Variants in TRAIP observed in about 807,000 individuals in gnomAD.
TRAIP encodes the protein TRAF interacting protein.
Under a neutral mutation model 65.0 loss-of-function variants are expected in TRAIP, and 37 were observed. That is an observed-to-expected ratio of 0.57 (90% CI 0.44 to 0.75). TRAIP has a LOEUF of 0.75. Ranked by LOEUF, TRAIP falls within the 30% of genes least tolerant of loss-of-function variation. The probability of loss-of-function intolerance (pLI) is 0.00; values close to 1 mark genes in which losing one functional copy is unlikely to be tolerated. For missense variants in TRAIP, 481 were observed against 579.4 expected, an observed-to-expected ratio of 0.83 and a Z score of 1.74; for synonymous variants, 187 against 219.1, an observed-to-expected ratio of 0.85 and a Z score of 1.29.
intron 1 of TRAIP, among the ~76,000 whole-genome samples, chr3:49,851,479 C>T (rs912575128): frequency 2.0e-5 from 3 of 152,220 alleles, no homozygotes; most frequent in Admixed American, 6.5e-5. Context: ...GCCTCAACCT[C>T]CCAGGCTCAA....
intron 1 of TRAIP, among the ~76,000 whole-genome samples, chr3:49,851,766 G>A (rs2081933998): frequency 6.6e-6 from 1 of 150,376 alleles, no homozygotes; most frequent in South Asian, 2.1e-4. Flanking sequence ...GTGCAATCTC[G>A]GCTCACTGCA....
At chr3:49,844,761 T>A (rs191364384) in intron 3 of TRAIP, among the ~76,000 whole-genome samples, 181 bp from the exon 4 acceptor site, 3 of 152,246 alleles carry the variant, frequency 2.0e-5, no homozygotes, top group Non-Finnish European at 4.4e-5. Context: ...TGTAGCTCTA[T>A]GTGCCCTTTT....
chr3:49,830,472 C>T (rs2108308680), intron 11 of TRAIP, among the ~76,000 whole-genome samples: 1 of 152,322 alleles, frequency 6.6e-6, no homozygotes, highest in African/African-American at 2.4e-5. Context: ...TGAGCTCAGG[C>T]CTAGTCCTGT....
Position 49,840,973 on chromosome 3 carries a change from C to T in TRAIP, c.705+12G>A. 1 of 1,613,836 alleles carries T rather than the reference C, an allele frequency of 6.2e-7. No individual in the cohort carries two copies. The highest frequency in any genetic ancestry group is 8.5e-7 in the Non-Finnish European group (1 of 1,179,674). Reference sequence around the variant, plus strand: ...CCACTTCTCCTTCAACCTCTGTTCACTGCTAAGTTACCTTGCTTCTGGAGG... The same window carrying T: ...CCACTTCTCCTTCAACCTCTGTTCATTGCTAAGTTACCTTGCTTCTGGAGG... On this transcript the variant is annotated intron_variant, in intron 8 of 14. Transcript: ENST00000331456.
intron 12 of TRAIP, 64 bp downstream of exon 12, chr3:49,829,956 C>T (rs1326657823): frequency 1.7e-5 from 27 of 1,603,818 alleles, no homozygotes; most frequent in East Asian, 2.2e-5. Flanking sequence ...CTGGCAAGAC[C>T]GTGCCCTCCC....
intron 8 of TRAIP, among the ~76,000 whole-genome samples, chr3:49,840,716 TGA>T (rs1451784965): frequency 6.6e-6 from 1 of 152,232 alleles, no homozygotes. Flanking sequence ...TCCAGCCAGC[TGA>T]GAGGTACCCA....
At chr3:49,835,302 G>A (rs765998718) in intron 10 of TRAIP, among the ~76,000 whole-genome samples, 15 of 152,206 alleles carry the variant, frequency 9.9e-5, no homozygotes, top group Admixed American at 2.6e-4. Flanking sequence ...ATTATGCTAA[G>A]TGAAATAAGC....
Position 49,856,488 on chromosome 3 carries a change from A to C in TRAIP, c.-35T>G. 1 of 1,592,756 alleles carries C rather than the reference A, an allele frequency of 6.3e-7. No homozygotes were observed. The highest frequency in any genetic ancestry group is 8.6e-7 in the Non-Finnish European group (1 of 1,164,132). On this transcript the variant is annotated 5_prime_UTR_variant, in exon 1 of 15. Transcript: ENST00000331456. The stretch of plus-strand genomic sequence containing the variant: ...ACTCAAGGGGCCCAGGCAGCCAAAG[A>C]AACTGCTACAGGTCCGGCTTCGTAG...
intron 10 of TRAIP, among the ~76,000 whole-genome samples, chr3:49,833,655 ATT>A (rs200338409): frequency 6.6e-6 from 1 of 151,654 alleles, no homozygotes; most frequent in African/African-American, 2.4e-5. Context: ...AATTTTTTGT[ATT>A]TTTAGTAGAG....
chr3:49,839,123 A>T (rs2081814124), intron 10 of TRAIP, among the ~76,000 whole-genome samples: 1 of 151,590 alleles, frequency 6.6e-6, no homozygotes, highest in Non-Finnish European at 1.5e-5. Flanking sequence ...CAGGAGGCAG[A>T]GATTGCAGTG....
In TRAIP at chr3:49,839,787, C is replaced by T. The variant is rs149800672; in HGVS notation, c.869G>A (p.Arg290His). The T allele has an allele frequency of 8.3e-5, 134 of 1,614,210 alleles. 1 individual carries two copies. Among genetic ancestry groups the T allele is most frequent in the African/African-American group, 5.3e-4 (40 of 75,070 alleles). ...LPPVASETVDRLVLESPAPVE... is the reference protein window; with the variant it reads ...LPPVASETVDHLVLESPAPVE... ...CTCAACAAACCTCTCTAAAACCAGGCGGTCGACAGTCTCACTGGCCACTGG... is the reference window on the plus strand; with the variant it reads ...CTCAACAAACCTCTCTAAAACCAGGTGGTCGACAGTCTCACTGGCCACTGG... Residue 290 changes from arginine (R) to histidine (H), a missense_variant, in exon 10 of 15, where the codon CGC becomes CAC. Coordinates refer to ENST00000331456, the MANE Select transcript of TRAIP (RefSeq NM_005879.3).
intron 10 of TRAIP, among the ~76,000 whole-genome samples, chr3:49,832,358 C>T (rs1488225455): frequency 3.3e-5 from 5 of 151,902 alleles, no homozygotes; most frequent in African/African-American, 9.7e-5. Flanking sequence ...GGTGTGGTGG[C>T]TTGTGTCTGT....
intron 3 of TRAIP, among the ~76,000 whole-genome samples, chr3:49,845,236 A>C (rs2081871959): frequency 6.6e-6 from 1 of 152,254 alleles, no homozygotes; most frequent in African/African-American, 2.4e-5. Flanking sequence ...ATGCCACAGA[A>C]TCATTGAGAA....
intron 1 of TRAIP, among the ~76,000 whole-genome samples, chr3:49,853,179 C>T (rs1356105999): frequency 1.3e-5 from 2 of 150,640 alleles, no homozygotes; most frequent in Non-Finnish European, 3.0e-5. Flanking sequence ...ATACACTATA[C>T]CAAAACTGCA....
chr3:49,856,548 G>A lies in TRAIP; in HGVS notation c.-95C>T. The A allele has an allele frequency of 8.9e-7, 1 of 1,125,002 alleles. No individual in the cohort carries two copies. Among genetic ancestry groups the A allele is most frequent in the Non-Finnish European group, 1.3e-6 (1 of 773,512 alleles). The allele number at this position is 1,125,002 out of a possible 1,614,324, so 69.7% of individuals were successfully genotyped here. On this transcript the variant is annotated 5_prime_UTR_variant, in exon 1 of 15. Transcript: ENST00000331456. ...CGCGCCTCCGCTTGCTTCAAATTTG[G>A]CTCCGCAGCACGACTTCCTGGAGCG...
intron 10 of TRAIP, among the ~76,000 whole-genome samples, chr3:49,837,691 C>G (rs2081801128): frequency 6.7e-6 from 1 of 148,874 alleles, no homozygotes; most frequent in Admixed American, 6.7e-5. Context: ...AAGCGATTGT[C>G]CTGCCTCAAC....
intron 9 of TRAIP, 34 bp downstream of exon 9, chr3:49,840,250 C>G: frequency 3.1e-6 from 5 of 1,590,832 alleles, no homozygotes; most frequent in Non-Finnish European, 2.6e-6. Flanking sequence ...CACAAACCAC[C>G]CCTCATTCCT....
intron 1 of TRAIP, among the ~76,000 whole-genome samples, chr3:49,849,212 T>C (rs895962277): frequency 4.6e-5 from 7 of 151,874 alleles, no homozygotes; most frequent in Non-Finnish European, 8.8e-5. Flanking sequence ...GGTCTCACTG[T>C]GCTGCCCAAG....
intron 3 of TRAIP, among the ~76,000 whole-genome samples, chr3:49,846,688 C>T (rs1446044374): frequency 6.6e-6 from 1 of 152,164 alleles, no homozygotes; most frequent in Non-Finnish European, 1.5e-5. Context: ...TACCAAGTCT[C>T]ACCTCTATAA....
Sources: gnomAD v4.1 joint callset for allele counts (sites outside exome capture counted in the v4.1 genomes callset) on GRCh38, gnomAD v4.1.1 for gene constraint, MANE v1.5 for transcripts, NCBI Gene and HGNC (gene_info 2026-07-23, HGNC 2026-07-21) for gene names.